Variants in RANBP2 observed in about 807,000 individuals in gnomAD.
RANBP2 encodes the protein RAN binding protein 2, also known as E3 SUMO-protein ligase RanBP2.
In RANBP2, 57 loss-of-function variants were observed where a neutral mutation model predicts 303.6. That is an observed-to-expected ratio of 0.19 (90% CI 0.15 to 0.23). The LOEUF (loss-of-function observed/expected upper bound fraction) is 0.23, where lower values mean the gene tolerates loss of function less well. Among genes scored for constraint, RANBP2 ranks in the 10% least tolerant of loss-of-function variants. The pLI is 1.00. For synonymous variants in RANBP2, 1,167 were observed against 1,301.5 expected, an observed-to-expected ratio of 0.90 and a Z score of 2.23; for missense variants, 3,138 against 3,780.8, an observed-to-expected ratio of 0.83 and a Z score of 4.46.
the RANBP2 span, chr2:108,846,847 CAA>C: frequency 6.2e-7 from 1 of 1,613,344 alleles, no homozygotes. Context: ...GAGAATAAAC[CAA>C]AGACAGCTGC....
chr2:109,614,242 T>G, the RANBP2 span: 1 of 758,542 alleles, frequency 1.3e-6, no homozygotes, highest in Non-Finnish European at 1.7e-6. Context: ...TAGGTAGGTG[T>G]GGCCGAGACA....
At chr2:109,288,940 T>C in the RANBP2 span, among the ~76,000 whole-genome samples, 2 of 152,336 alleles carry the variant, frequency 1.3e-5, no homozygotes, top group South Asian at 4.1e-4. Flanking sequence ...AACCCATAGC[T>C]ATGAATAAAT....
chr2:109,173,036 C>G, the RANBP2 span, among the ~76,000 whole-genome samples: 2 of 152,208 alleles, frequency 1.3e-5, no homozygotes, highest in African/African-American at 2.4e-5. Context: ...TTGGTCATCC[C>G]TGGGTGGTGG....
chr2:108,872,166 A>G, the RANBP2 span, among the ~76,000 whole-genome samples: 1 of 152,172 alleles, frequency 6.6e-6, no homozygotes, highest in African/African-American at 2.4e-5. Context: ...GTCTTCAGAC[A>G]TTCATTGTTG....
At chr2:109,104,036 C>T in the RANBP2 span, among the ~76,000 whole-genome samples, 10 of 152,116 alleles carry the variant, frequency 6.6e-5, no homozygotes, top group Admixed American at 3.3e-4. Context: ...CCTCATGATC[C>T]GCCCGCCTCG....
chr2:109,541,394 G>A, the RANBP2 span, among the ~76,000 whole-genome samples: 1 of 152,056 alleles, frequency 6.6e-6, no homozygotes, highest in Non-Finnish European at 1.5e-5. Context: ...TTCTACATCA[G>A]TATTGTTTAA....
chr2:109,405,230 C>T, the RANBP2 span, among the ~76,000 whole-genome samples: 6 of 152,290 alleles, frequency 3.9e-5, no homozygotes, highest in South Asian at 6.2e-4. Context: ...CAGGAGCAAC[C>T]GATGACACCC....
chr2:109,010,135 T>C, the RANBP2 span, among the ~76,000 whole-genome samples: 1 of 152,232 alleles, frequency 6.6e-6, no homozygotes, highest in African/African-American at 2.4e-5. Context: ...CTTTATGGCT[T>C]CTTATGAGGG....
In RANBP2 at chr2:108,767,308, C is replaced by G; in HGVS notation, c.6769C>G (p.Leu2257Val). 1 of 1,612,038 alleles carries G rather than the reference C, an allele frequency of 6.2e-7. No homozygotes were observed. Among genetic ancestry groups the G allele is most frequent in the Non-Finnish European group, 8.5e-7 (1 of 1,179,864 alleles). Residue 2257 changes from leucine to valine, a missense_variant, in exon 20 of 29, where the codon CTT becomes GTT. Leu to Val is a conservative substitution (Grantham distance 32, BLOSUM62 1). Around this residue, in one of 20 missense-constraint regions of RANBP2, gnomAD observed 72 missense variants for 86.8 expected, o/e 0.83. Transcript: ENST00000283195. ...PLASSPVRKN[L>V]FRFGESTTGF... is the part of the protein sequence containing the mutation. ...GGCAAGTAGCCCTGTGAGAAAAAAT[C>G]TTTTCCGTTTTGGTGAGTCAACAAC... is the stretch of plus-strand genomic sequence containing the variant.
intron 21 of RANBP2, 62 bp from the exon 22 acceptor site, chr2:108,772,427 C>G: frequency 1.5e-6 from 2 of 1,334,962 alleles, no homozygotes; most frequent in Non-Finnish European, 2.1e-6. Flanking sequence ...TGGAGGTAGT[C>G]CCTAAGCAAG....
At chr2:109,617,835 A>G in the RANBP2 span, 1 of 159,440 alleles carries the variant, frequency 6.3e-6, no homozygotes, top group African/African-American at 2.4e-5. Flanking sequence ...CCTGGCCAAC[A>G]TGGTGAAAAC....
chr2:109,765,903 C>G, the RANBP2 span, among the ~76,000 whole-genome samples: 1 of 150,566 alleles, frequency 6.6e-6, no homozygotes, highest in Non-Finnish European at 1.5e-5. Flanking sequence ...TGCTACAGAT[C>G]CCTGATCTTG....
the RANBP2 span, among the ~76,000 whole-genome samples, chr2:109,682,368 A>G: frequency 6.6e-6 from 1 of 152,166 alleles, no homozygotes; most frequent in East Asian, 1.9e-4. Context: ...TGAAATTCAG[A>G]CATGGCTGGA....
chr2:108,948,062 G>A, the RANBP2 span, among the ~76,000 whole-genome samples: 2 of 152,208 alleles, frequency 1.3e-5, no homozygotes, highest in Non-Finnish European at 2.9e-5. Context: ...CATCTTGAAT[G>A]CTTTGCTATA....
At chr2:109,675,744 C>A in the RANBP2 span, among the ~76,000 whole-genome samples, 1 of 152,182 alleles carries the variant, frequency 6.6e-6, no homozygotes, top group South Asian at 2.1e-4. Flanking sequence ...TCAGTTGTAG[C>A]CCAGGCCTCC....
the RANBP2 span, among the ~76,000 whole-genome samples, chr2:109,077,348 T>C: frequency 6.6e-6 from 1 of 150,622 alleles, no homozygotes; most frequent in African/African-American, 2.4e-5. Context: ...TTGATAAAGA[T>C]TTTTATGATG....
At chr2:108,993,523 G>T in the RANBP2 span, among the ~76,000 whole-genome samples, 1 of 152,164 alleles carries the variant, frequency 6.6e-6, no homozygotes, top group Non-Finnish European at 1.5e-5. Context: ...TAAGTCTGGG[G>T]GAGTATTTGC....
the RANBP2 span, among the ~76,000 whole-genome samples, chr2:109,018,282 C>T: frequency 4.6e-5 from 7 of 152,154 alleles, no homozygotes; most frequent in Non-Finnish European, 8.8e-5. Flanking sequence ...ATCCTCAAAG[C>T]AGGATGGAGG....
the RANBP2 span, among the ~76,000 whole-genome samples, chr2:109,748,011 C>CTT: frequency 4.4e-4 from 23 of 52,462 alleles, no homozygotes; most frequent in African/African-American, 1.4e-3. Flanking sequence ...ACATTTATAC[C>CTT]TTTTTTTTTT....
Sources: allele counts gnomAD v4.1 joint callset (sites outside exome capture counted in the v4.1 genomes callset), GRCh38; gene constraint gnomAD v4.1.1; regional missense constraint gnomAD v4.1.1; transcripts MANE v1.5; gene names NCBI Gene and HGNC (gene_info 2026-07-23, HGNC 2026-07-21).